Variants in MEOX2 observed in about 807,000 individuals in gnomAD.
MEOX2 encodes the protein homeobox protein MOX-2.
MEOX2 carries 11 observed loss-of-function variants against 27.0 expected under a neutral mutation model. The observed-to-expected ratio is 0.41, with a 90% CI of 0.26 to 0.68. The LOEUF is 0.68. MEOX2 is among the 30% of genes least tolerant of loss of function. The pLI is 0.33. For synonymous variants in MEOX2, 189 were observed against 155.4 expected, an observed-to-expected ratio of 1.22 and a Z score of -1.61; for missense variants, 436 against 385.4, an observed-to-expected ratio of 1.13 and a Z score of -1.10.
chr7:15,657,393 T>C (rs1004657125), intron 1 of MEOX2, among the ~76,000 whole-genome samples: 4 of 152,166 alleles, frequency 2.6e-5, no homozygotes, highest in Non-Finnish European at 5.9e-5. Flanking sequence ...AATTTTCTTT[T>C]TATCATTCAT....
intron 1 of MEOX2, among the ~76,000 whole-genome samples, chr7:15,648,659 G>T (rs1190927145): frequency 6.6e-6 from 1 of 152,094 alleles, no homozygotes; most frequent in Non-Finnish European, 1.5e-5. Context: ...TGGGACTGAG[G>T]TTCCAGAACT....
At chr7:15,639,997 T>C (rs1583758899) in intron 1 of MEOX2, among the ~76,000 whole-genome samples, 1 of 152,158 alleles carries the variant, frequency 6.6e-6, no homozygotes, top group Non-Finnish European at 1.5e-5. Flanking sequence ...GATTTTAGAA[T>C]TGTTTTTCTA....
chr7:15,629,965 C>G (rs980746188), intron 1 of MEOX2, among the ~76,000 whole-genome samples: 5 of 152,020 alleles, frequency 3.3e-5, no homozygotes, highest in African/African-American at 1.2e-4. Flanking sequence ...TTTCTTCAAC[C>G]TCCCATATCC....
At chr7:15,679,344 C>G (rs1407438398) in intron 1 of MEOX2, 1 of 151,976 alleles carries the variant, frequency 6.6e-6, no homozygotes, top group Admixed American at 6.6e-5. Context: ...CTCTACTAGA[C>G]TACAATAAAA....
At chr7:15,626,214 A>C (rs1201037631) in intron 2 of MEOX2, among the ~76,000 whole-genome samples, 1 of 152,152 alleles carries the variant, frequency 6.6e-6, no homozygotes, top group Non-Finnish European at 1.5e-5. Flanking sequence ...ACATGTTGAG[A>C]TGCTAAAGAG....
At chr7:15,637,147 A>T (rs1253274842) in intron 1 of MEOX2, among the ~76,000 whole-genome samples, 3 of 152,054 alleles carry the variant, frequency 2.0e-5, no homozygotes, top group Non-Finnish European at 2.9e-5. Flanking sequence ...AATCATACTT[A>T]ATTTCATATT....
chr7:15,663,640 A>G (rs1781951183), intron 1 of MEOX2, among the ~76,000 whole-genome samples: 1 of 152,138 alleles, frequency 6.6e-6, no homozygotes, highest in South Asian at 2.1e-4. Context: ...CGCCCAGCCA[A>G]TAATCTTTAA....
chr7:15,659,379 G>A (rs1236788686), intron 1 of MEOX2, among the ~76,000 whole-genome samples: 1 of 152,110 alleles, frequency 6.6e-6, no homozygotes, highest in African/African-American at 2.4e-5. Flanking sequence ...TTGCAGTCGG[G>A]TGTGTGCATA....
At chr7:15,658,254 G>T (rs145738023) in intron 1 of MEOX2, among the ~76,000 whole-genome samples, 105 of 152,292 alleles carry the variant, frequency 6.9e-4, no homozygotes, top group African/African-American at 2.5e-3. Context: ...CAGGGGAGGT[G>T]GGAGGAAGAT....
intron 1 of MEOX2, among the ~76,000 whole-genome samples, chr7:15,672,996 A>G (rs941703751): frequency 6.6e-6 from 1 of 152,232 alleles, no homozygotes. Flanking sequence ...ACTCTCCTAC[A>G]GATTGCCCAA....
At chr7:15,630,959 C>T (rs1781391266) in intron 1 of MEOX2, among the ~76,000 whole-genome samples, 1 of 151,848 alleles carries the variant, frequency 6.6e-6, no homozygotes, top group Admixed American at 6.6e-5. Context: ...CTTGCCAATC[C>T]ACTTTCCAGA....
intron 2 of MEOX2, among the ~76,000 whole-genome samples, chr7:15,619,779 G>A (rs1184757944): frequency 1.3e-5 from 2 of 151,930 alleles, no homozygotes; most frequent in African/African-American, 4.8e-5. Context: ...TTCAATAAAG[G>A]TAACGTTTAT....
intron 1 of MEOX2, among the ~76,000 whole-genome samples, chr7:15,657,685 T>C (rs1781846295): frequency 1.3e-5 from 2 of 152,236 alleles, no homozygotes; most frequent in South Asian, 2.1e-4. Flanking sequence ...AATTATGACA[T>C]CTAACTTCTC....
chr7:15,663,907 C>G (rs964394570), intron 1 of MEOX2, among the ~76,000 whole-genome samples: 1 of 152,086 alleles, frequency 6.6e-6, no homozygotes, highest in Non-Finnish European at 1.5e-5. Context: ...CTGTTCAATA[C>G]TATCTGTTTG....
intron 1 of MEOX2, among the ~76,000 whole-genome samples, chr7:15,650,144 A>G (rs150070413): frequency 1.7e-3 from 253 of 152,190 alleles, no homozygotes; most frequent in Non-Finnish European, 2.9e-3. Flanking sequence ...GCCATGCCTT[A>G]CAAGTCAACT....
At chr7:15,620,576 A>C (rs73300557) in intron 2 of MEOX2, among the ~76,000 whole-genome samples, 202 of 152,174 alleles carry the variant, frequency 1.3e-3, no homozygotes, top group African/African-American at 4.4e-3. Context: ...ACAACAACAA[A>C]AAAGCAAAAC....
intron 1 of MEOX2, among the ~76,000 whole-genome samples, chr7:15,677,181 C>T (rs1343959647): frequency 1.3e-5 from 2 of 152,170 alleles, no homozygotes; most frequent in Non-Finnish European, 2.9e-5. Context: ...AAAATGCAAA[C>T]AGGTAGCATA....
chr7:15,668,459 G>A (rs947760221), intron 1 of MEOX2, among the ~76,000 whole-genome samples: 2 of 151,986 alleles, frequency 1.3e-5, no homozygotes, highest in Non-Finnish European at 1.5e-5. Context: ...TAGGCTAGTA[G>A]TAGTAGTTAA....
chr7:15,631,916 G>C (rs1277859718), intron 1 of MEOX2, among the ~76,000 whole-genome samples: 2 of 150,784 alleles, frequency 1.3e-5, no homozygotes, highest in Non-Finnish European at 3.0e-5. Context: ...ATGTGTGTGT[G>C]TGTGTGTGTG....
Sources: gnomAD v4.1 joint callset for allele counts (sites outside exome capture counted in the v4.1 genomes callset) on GRCh38, gnomAD v4.1.1 for gene constraint, MANE v1.5 for transcripts, NCBI Gene and HGNC (gene_info 2026-07-23, HGNC 2026-07-21) for gene names.